DHRS7B: variants seen among roughly 807,000 people sequenced by gnomAD.
DHRS7B encodes peroxisomal reductase activating PPAR-gamma.
DHRS7B carries 24 observed loss-of-function variants against 26.4 expected under a neutral mutation model. The ratio of observed to expected loss-of-function variants is 0.91; its 90% CI spans 0.66 to 1.28. The LOEUF (loss-of-function observed/expected upper bound fraction) is 1.28. DHRS7B is among the 50% of genes most tolerant of loss of function. The pLI is 0.00. For synonymous variants in DHRS7B, 142 were observed against 166.4 expected, an observed-to-expected ratio of 0.85 and a Z score of 1.13; for missense variants, 368 against 419.4, an observed-to-expected ratio of 0.88 and a Z score of 1.07.
chr17:21,184,216 G>A (rs950607718), intron 4 of DHRS7B, among the ~76,000 whole-genome samples, 155 bp from the exon 5 acceptor site: 2 of 152,178 alleles, frequency 1.3e-5, no homozygotes, highest in Admixed American at 1.3e-4. Flanking sequence ...CTGGGCATAG[G>A]AGGCTGGAAG....
chr17:21,168,805 A>C (rs971447815), intron 1 of DHRS7B: 1 of 985,482 alleles, frequency 1.0e-6, no homozygotes, highest in East Asian at 1.1e-4. Flanking sequence ...TGTTTGCCTC[A>C]GGCAAAGTGG....
intron 1 of DHRS7B, among the ~76,000 whole-genome samples, chr17:21,140,897 C>CT (rs1230256243): frequency 6.6e-6 from 1 of 151,712 alleles, no homozygotes; most frequent in Non-Finnish European, 1.5e-5. Flanking sequence ...TGCCCTTTTT[C>CT]TTTTTTTTCT....
intron 1 of DHRS7B, among the ~76,000 whole-genome samples, chr17:21,144,932 A>G (rs1041837257): frequency 4.6e-5 from 7 of 152,194 alleles, no homozygotes; most frequent in South Asian, 2.1e-4. Flanking sequence ...ACAATTTTGT[A>G]TATACTTACC....
intron 1 of DHRS7B, among the ~76,000 whole-genome samples, chr17:21,133,763 G>A (rs190317697): frequency 2.0e-4 from 31 of 152,280 alleles, no homozygotes; most frequent in Admixed American, 1.7e-3. Context: ...TTCTTAGCAG[G>A]TTGTGAAGTC....
In DHRS7B at chr17:21,154,553, G is replaced by A. The variant is rs183059750; in HGVS notation, c.21-17465G>A. ...TTGCAAGAAATGTAAAAAGTTTTTC[G>A]GAGAGAAAGAAAATGATATGAGTCA... On this transcript the variant is annotated intron_variant, in intron 1 of 6. Transcript: ENST00000395511. Among the ~76,000 whole-genome samples, 8 of 152,084 alleles carry A rather than the reference G, an allele frequency of 5.3e-5. No homozygotes were observed. The East Asian group carries it at 1.2e-3, about 22-fold the overall frequency.
chr17:21,157,913 C>T (rs1686289342), intron 1 of DHRS7B, among the ~76,000 whole-genome samples: 1 of 151,734 alleles, frequency 6.6e-6, no homozygotes, highest in African/African-American at 2.4e-5. Flanking sequence ...CCACTGCACC[C>T]CAGCTTGGTT....
chr17:21,140,479 T>TAC (rs4020775), intron 1 of DHRS7B, among the ~76,000 whole-genome samples: 10,774 of 83,550 alleles, frequency 0.13, 814 homozygotes, highest in Middle Eastern at 0.18. Context: ...GCCTTTTAAA[T>TAC]ACACACACAC....
chr17:21,176,381 G>A (rs184793589), intron 2 of DHRS7B, among the ~76,000 whole-genome samples: 2 of 152,076 alleles, frequency 1.3e-5, no homozygotes, highest in East Asian at 2.0e-4. Context: ...CAGGAAGATC[G>A]CTTGAGCCCA....
intron 1 of DHRS7B, among the ~76,000 whole-genome samples, chr17:21,154,264 C>T (rs539280640): frequency 4.0e-5 from 6 of 151,860 alleles, no homozygotes; most frequent in African/African-American, 9.7e-5. Flanking sequence ...GAGCCGAGAT[C>T]GTGACATTGC....
At chr17:21,172,347 T>C (rs1974276102) in intron 2 of DHRS7B, 151 bp downstream of exon 2, 2 of 920,912 alleles carry the variant, frequency 2.2e-6, no homozygotes, top group Admixed American at 4.5e-5. Context: ...CTGTCCTTGG[T>C]ACAAGTGGAA....
chr17:21,162,093 A>G (rs374120808), intron 1 of DHRS7B, among the ~76,000 whole-genome samples: 5 of 151,964 alleles, frequency 3.3e-5, no homozygotes, highest in African/African-American at 1.2e-4. Context: ...TCTGAGAGAA[A>G]GGGAGCCAAC....
intron 1 of DHRS7B, among the ~76,000 whole-genome samples, chr17:21,153,860 A>C (rs183092532): frequency 3.9e-5 from 6 of 152,308 alleles, no homozygotes; most frequent in Non-Finnish European, 5.9e-5. Context: ...ATGAATTTTA[A>C]AAGGGACAAA....
chr17:21,166,336 A>G (rs2144084272), intron 1 of DHRS7B: 2 of 985,410 alleles, frequency 2.0e-6, no homozygotes, highest in African/African-American at 1.7e-5. Flanking sequence ...TACACCCCAC[A>G]GGCCACTCTG....
chr17:21,150,236 A>G (rs1973740396), intron 1 of DHRS7B, among the ~76,000 whole-genome samples: 1 of 152,114 alleles, frequency 6.6e-6, no homozygotes, highest in Admixed American at 6.6e-5. Context: ...AAACCAACCT[A>G]TTAAAAAAGT....
intron 1 of DHRS7B, 23 bp downstream of exon 1, chr17:21,127,014 C>T (rs374076480): frequency 6.6e-7 from 1 of 1,512,790 alleles, no homozygotes; most frequent in Non-Finnish European, 8.8e-7. Flanking sequence ...GAAGAAGGAA[C>T]CTCCGAGATG....
rs199838461 is a variant in DHRS7B at position 21,142,839 on chromosome 17, ATAGG to A, written c.20+15852_20+15855del. Among the ~76,000 whole-genome samples, 1,458 of 152,340 alleles carry A rather than the reference ATAGG, an allele frequency of 9.6e-3. 33 individuals carry two copies. The highest frequency in any genetic ancestry group is 0.033 in the African/African-American group (1,376 of 41,588). On this transcript the variant is annotated intron_variant, in intron 1 of 6. Transcript: ENST00000395511. Reference sequence around the variant, plus strand: ...GAGCAAAGGGATGGCTATGAATAGAATAGGTAGATTTGTCTTGAGCAGTTCCTAG... The same window carrying A: ...GAGCAAAGGGATGGCTATGAATAGAATAGATTTGTCTTGAGCAGTTCCTAG...
At chr17:21,157,177 G>C (rs1973900946) in intron 1 of DHRS7B, among the ~76,000 whole-genome samples, 1 of 152,160 alleles carries the variant, frequency 6.6e-6, no homozygotes, top group Non-Finnish European at 1.5e-5. Flanking sequence ...TCTCTCCCAG[G>C]AGGTAGAAGC....
rs774363342 is a variant in DHRS7B at position 21,188,872 on chromosome 17, C to T, written c.772+9C>T. 55 of 1,613,940 alleles carry T rather than the reference C, an allele frequency of 3.4e-5. No homozygotes were observed. Among genetic ancestry groups the T allele is most frequent in the Non-Finnish European group, 4.5e-5 (53 of 1,180,000 alleles). ...TGGATCTAGGTATGGAGGTGAGGCC[C>T]GGTTTCTCTTTTCTCCTATGAAAAT... On this transcript the variant is annotated intron_variant, in intron 6 of 6. Transcript: ENST00000395511.
At chr17:21,178,415 C>T in intron 3 of DHRS7B, 73 bp downstream of exon 3, 1 of 1,262,072 alleles carries the variant, frequency 7.9e-7, no homozygotes. Flanking sequence ...AGATAGTGGC[C>T]CACTCCTGGA....
Sources: allele counts gnomAD v4.1 joint callset (sites outside exome capture counted in the v4.1 genomes callset), GRCh38; gene constraint gnomAD v4.1.1; transcripts MANE v1.5; gene names NCBI Gene and HGNC (gene_info 2026-07-23, HGNC 2026-07-21).